TAF4: variants seen among roughly 807,000 people sequenced by gnomAD.
The protein encoded by TAF4 is TATA-box binding protein associated factor 4.
In TAF4, 9 loss-of-function variants were observed where a neutral mutation model predicts 90.3. The ratio of observed to expected loss-of-function variants is 0.10; its 90% CI spans 0.06 to 0.17. The LOEUF (loss-of-function observed/expected upper bound fraction) is 0.17, where lower values mean the gene tolerates loss of function less well. Ranked by LOEUF, TAF4 falls within the 10% of genes least tolerant of loss-of-function variation. The pLI, the probability that TAF4 is intolerant of heterozygous loss-of-function variation, is 1.00. For missense variants in TAF4, 1,351 were observed against 1,370.7 expected (o/e 0.99, Z 0.23); for synonymous variants, 818 against 638.9 (o/e 1.28, Z -4.23).
intron 11 of TAF4, 95 bp downstream of exon 11, chr20:62,000,029 C>G: frequency 6.5e-7 from 1 of 1,548,366 alleles, no homozygotes; most frequent in Non-Finnish European, 8.9e-7. Flanking sequence ...TTGGGACCCA[C>G]CGCCCTCTGC....
chr20:62,014,425 G>A (rs1053226895), intron 2 of TAF4, 122 bp downstream of exon 2: 65 of 1,287,168 alleles, frequency 5.0e-5, no homozygotes, highest in African/African-American at 1.1e-4. Context: ...CTGGGACGCC[G>A]CCCACACTTC....
chr20:61,981,295 C>T (rs2055539774), intron 14 of TAF4: 1 of 152,358 alleles, frequency 6.6e-6, no homozygotes, highest in Middle Eastern at 3.4e-3. Flanking sequence ...GGGGGCTCCA[C>T]ACACATCAGA....
intron 1 of TAF4, among the ~76,000 whole-genome samples, chr20:62,046,267 T>C (rs926341485): frequency 1.3e-5 from 2 of 152,220 alleles, no homozygotes; most frequent in African/African-American, 4.8e-5. Context: ...CTATTTTAAG[T>C]GTGCAATTTG....
At chr20:61,998,722 C>CA (rs751393904) in intron 12 of TAF4, among the ~76,000 whole-genome samples, 1 of 152,242 alleles carries the variant, frequency 6.6e-6, no homozygotes, top group Non-Finnish European at 1.5e-5. Context: ...GCTCTAGGAA[C>CA]ATGTGCTTCA....
intron 1 of TAF4, among the ~76,000 whole-genome samples, chr20:62,042,609 G>C (rs779477531): frequency 6.6e-6 from 1 of 151,726 alleles, no homozygotes; most frequent in Non-Finnish European, 1.5e-5. Context: ...CCGTCTGCAC[G>C]CTCCCCTGCA....
Position 62,048,175 on chromosome 20 carries a change from C to T in TAF4, c.1360+16276G>A, listed in dbSNP as rs368691593. 9.2e-5 allele frequency among the ~76,000 whole-genome samples: 14 copies of T among 152,352 alleles called. No homozygotes were observed. The East Asian group carries it at 1.7e-3, about 19-fold the overall frequency. ...GGCTGCGACATACCTAGCACCTTCC[C>T]ACACAGGGCAGGCTGGCGCGTGCCT... is the stretch of plus-strand genomic sequence containing the variant. On this transcript the variant is annotated intron_variant, in intron 1 of 14. Transcript: ENST00000252996.
chr20:62,012,843 G>A lies in TAF4; in HGVS notation c.1613C>T (p.Ala538Val). Residue 538 changes from alanine (A) to valine (V), a missense_variant, in exon 3 of 15, where the codon GCA becomes GTA. Ala to Val is a moderately conservative substitution (Grantham distance 64). Coordinates refer to ENST00000252996, the MANE Select transcript of TAF4 (RefSeq NM_003185.4). Reference sequence around the variant, plus strand: ...GACGCCGGGCGAGCGCTGCAGGGTTGCACTGGGCTGCACCGTTGTCTGGGC... The same window carrying A: ...GACGCCGGGCGAGCGCTGCAGGGTTACACTGGGCTGCACCGTTGTCTGGGC... ...SQAQTTVQPS[A>V]TLQRSPGVQP... The A allele has an allele frequency of 6.2e-7, 1 of 1,613,978 alleles. No individual in the cohort carries two copies. Among genetic ancestry groups the A allele is most frequent in the Non-Finnish European group, 8.5e-7 (1 of 1,179,990 alleles).
intron 2 of TAF4, 28 bp from the exon 3 acceptor site, chr20:62,012,962 C>G (rs775808368): frequency 6.2e-7 from 1 of 1,610,668 alleles, no homozygotes; most frequent in African/African-American, 1.3e-5. Context: ...TCACCTAAAA[C>G]GAGCGCAAGT....
chr20:62,023,468 G>A (rs929264979), intron 1 of TAF4, among the ~76,000 whole-genome samples: 8 of 151,442 alleles, frequency 5.3e-5, no homozygotes, highest in South Asian at 2.1e-4. Context: ...GAGCTGACAC[G>A]AGCTGATCTC....
At chr20:62,002,449 T>C (rs1039416102) in intron 9 of TAF4, among the ~76,000 whole-genome samples, 1 of 152,144 alleles carries the variant, frequency 6.6e-6, no homozygotes, top group Non-Finnish European at 1.5e-5. Context: ...CTGACTGAGG[T>C]GATGCTCAGA....
Position 62,065,554 on chromosome 20 carries a change from G to A in TAF4, c.257C>T (p.Ala86Val). Residue 86 changes from alanine to valine, a missense_variant, in exon 1 of 15, where the codon GCG (alanine) becomes GTG (valine). Transcript: ENST00000252996. The stretch of plus-strand genomic sequence containing the variant: ...TCTACCTGCGGGGGGCGGCTCCGGC[G>A]CCGCTCCGGGCGCGCCCTCGGCGGG... The part of the protein sequence containing the change: ...AAPAEGAPGA[A>V]PEPPPAGRAR... 1.0e-6 allele frequency: 1 copy of A among 977,326 alleles called. No homozygotes were observed. The allele number at this position is 977,326 out of a possible 1,614,324, so 60.5% of individuals were successfully genotyped here. A position where few individuals can be genotyped will look rare whatever the true frequency, so the allele number is the denominator to read the frequency against.
chr20:62,039,007 C>A (rs2055949163), intron 1 of TAF4, among the ~76,000 whole-genome samples: 1 of 152,164 alleles, frequency 6.6e-6, no homozygotes, highest in South Asian at 2.1e-4. Flanking sequence ...GAGCCAAGAT[C>A]GTGCCACTGC....
At chr20:61,988,062 G>T (rs941962461) in intron 14 of TAF4, among the ~76,000 whole-genome samples, 11 of 152,226 alleles carry the variant, frequency 7.2e-5, no homozygotes, top group African/African-American at 2.7e-4. Flanking sequence ...GACAGGAGGG[G>T]AGGGATGAAC....
chr20:62,044,278 T>C (rs914422909), intron 1 of TAF4, among the ~76,000 whole-genome samples: 2 of 152,192 alleles, frequency 1.3e-5, no homozygotes, highest in Admixed American at 6.5e-5. Context: ...GATCTCCAGA[T>C]TATATTAAGA....
At chr20:61,989,917 C>T (rs1407659642) in intron 14 of TAF4, among the ~76,000 whole-genome samples, 2 of 152,140 alleles carry the variant, frequency 1.3e-5, no homozygotes, top group Non-Finnish European at 2.9e-5. Flanking sequence ...CCAGGGGTGG[C>T]GACACAGGCA....
intron 5 of TAF4, among the ~76,000 whole-genome samples, chr20:62,008,461 GGA>G (rs1412209247): frequency 2.0e-5 from 3 of 151,658 alleles, no homozygotes; most frequent in Middle Eastern, 3.4e-3. Flanking sequence ...TGTGGGTTAA[GGA>G]GAGGGGAGGC....
At chr20:62,034,940 C>G (rs1414172214) in intron 1 of TAF4, among the ~76,000 whole-genome samples, 10 of 151,910 alleles carry the variant, frequency 6.6e-5, no homozygotes. Context: ...CCTGCCTCAG[C>G]CTCCCGAGTA....
chr20:61,993,419 G>A (rs6061946), intron 14 of TAF4, among the ~76,000 whole-genome samples: 4 of 152,296 alleles, frequency 2.6e-5, no homozygotes, highest in South Asian at 2.1e-4. Flanking sequence ...CAATCCTGAC[G>A]CAGGACACAC....
At chr20:62,021,923 C>T (rs2055846014) in intron 1 of TAF4, among the ~76,000 whole-genome samples, 2 of 152,154 alleles carry the variant, frequency 1.3e-5, no homozygotes, top group South Asian at 4.1e-4. Context: ...TGAGTGAGTG[C>T]ATCCCTGGGG....
Sources: allele counts gnomAD v4.1 joint callset (sites outside exome capture counted in the v4.1 genomes callset), GRCh38; gene constraint gnomAD v4.1.1; transcripts MANE v1.5; gene names NCBI Gene and HGNC (gene_info 2026-07-23, HGNC 2026-07-21).